PDE10A: variants seen among roughly 807,000 people sequenced by gnomAD.
The protein encoded by PDE10A is cAMP and cAMP-inhibited cGMP 3',5'-cyclic phosphodiesterase 10A.
Under a neutral mutation model 97.7 loss-of-function variants are expected in PDE10A, and 39 were observed. The observed-to-expected ratio is 0.40, with a 90% CI of 0.31 to 0.52. PDE10A has a LOEUF of 0.52. Ranked by LOEUF, PDE10A falls within the 20% of genes least tolerant of loss-of-function variation. PDE10A has a pLI of 0.56. For synonymous variants in PDE10A, 371 were observed against 376.8 expected, an observed-to-expected ratio of 0.98 and a Z score of 0.18; for missense variants, 731 against 1,047.8, an observed-to-expected ratio of 0.70 and a Z score of 4.17.
chr6:165,925,437 C>T (rs1458895313), intron 1 of PDE10A, among the ~76,000 whole-genome samples: 1 of 152,184 alleles, frequency 6.6e-6, no homozygotes. Context: ...AACCTGTACA[C>T]AAATGTTCAT....
chr6:165,894,515 G>A (rs1336840475), intron 1 of PDE10A: 1 of 455,928 alleles, frequency 2.2e-6, no homozygotes, highest in Non-Finnish European at 4.4e-6. Flanking sequence ...CAAAAGATGT[G>A]GGAGGGAGTT....
chr6:165,558,413 T>C lies in PDE10A; in HGVS notation c.866-14845A>G, dbSNP rs538327980. Among the ~76,000 whole-genome samples the C allele has an allele frequency of 4.6e-5, 7 of 151,954 alleles. No homozygotes were observed. In the South Asian group the frequency reaches 6.2e-4, roughly 14 times the overall value. On this transcript the variant is annotated intron_variant, in intron 1 of 21. Transcript: ENST00000539869. ...GGTGGGAACTGAACAATGAGAATAC[T>C]TGGACACAGGAAGGGGAACATCACA... is the stretch of plus-strand genomic sequence containing the variant.
At chr6:165,752,149 A>C (rs1793019732) in intron 1 of PDE10A, among the ~76,000 whole-genome samples, 1 of 147,190 alleles carries the variant, frequency 6.8e-6, no homozygotes, top group Admixed American at 6.7e-5. Context: ...AAAAAAAAAA[A>C]AAAAAGTGGG....
intron 8 of PDE10A, 93 bp downstream of exon 8, chr6:165,431,329 G>T: frequency 1.5e-6 from 1 of 665,872 alleles, no homozygotes; most frequent in Non-Finnish European, 2.5e-6. Flanking sequence ...ATAAGGCATT[G>T]GGTGACTTAA....
chr6:165,841,671 T>G (rs2128473284), intron 1 of PDE10A, among the ~76,000 whole-genome samples: 1 of 152,340 alleles, frequency 6.6e-6, no homozygotes, highest in East Asian at 1.9e-4. Flanking sequence ...ATCCTGGCTC[T>G]GGGGTGGAGG....
At chr6:165,604,674 G>C (rs913771467) in intron 1 of PDE10A, among the ~76,000 whole-genome samples, 4 of 152,194 alleles carry the variant, frequency 2.6e-5, no homozygotes, top group African/African-American at 9.6e-5. Context: ...TTTACACTAA[G>C]GCGTAAAGCA....
At chr6:165,460,173 G>A (rs1159357234) in intron 3 of PDE10A, among the ~76,000 whole-genome samples, 5 of 152,162 alleles carry the variant, frequency 3.3e-5, no homozygotes, top group African/African-American at 1.2e-4. Context: ...CTTCTGCCTG[G>A]GGAACCCCCA....
intron 3 of PDE10A, among the ~76,000 whole-genome samples, chr6:165,460,848 C>G (rs1214347340): frequency 1.3e-5 from 2 of 152,028 alleles, no homozygotes; most frequent in African/African-American, 2.4e-5. Context: ...AGGTATGTCC[C>G]TGGTATGGGA....
At chr6:165,422,210 T>C (rs1379995693) in intron 10 of PDE10A, among the ~76,000 whole-genome samples, 2 of 152,074 alleles carry the variant, frequency 1.3e-5, no homozygotes, top group African/African-American at 4.8e-5. Flanking sequence ...TTGGTAATAT[T>C]TATAAAGTCC....
chr6:165,621,870 G>A (rs755190642), intron 1 of PDE10A, among the ~76,000 whole-genome samples: 1 of 152,194 alleles, frequency 6.6e-6, no homozygotes, highest in African/African-American at 2.4e-5. Flanking sequence ...CCTTCTCACT[G>A]TGATGGTTAA....
intron 2 of PDE10A, among the ~76,000 whole-genome samples, chr6:165,493,093 C>CA (rs956975800): frequency 1.5e-4 from 23 of 151,736 alleles, no homozygotes; most frequent in African/African-American, 2.4e-5. Context: ...ATAATAGCTG[C>CA]AAAAAAATAA....
At chr6:165,639,478 C>T (rs2128419005) in intron 1 of PDE10A, among the ~76,000 whole-genome samples, 1 of 152,190 alleles carries the variant, frequency 6.6e-6, no homozygotes, top group African/African-American at 2.4e-5. Context: ...TGGCTCACAC[C>T]TGTAATCCCA....
chr6:165,408,845 C>T (rs974278304), intron 13 of PDE10A, among the ~76,000 whole-genome samples: 37 of 152,082 alleles, frequency 2.4e-4, no homozygotes, highest in African/African-American at 8.7e-4. Flanking sequence ...TTTTTATGAG[C>T]TTTAGTAAGG....
rs76143444 is a variant in PDE10A at position 165,408,095 on chromosome 6, G to A, written c.2076+5406C>T. 8.5e-5 allele frequency among the ~76,000 whole-genome samples: 13 copies of A among 152,224 alleles called. No homozygotes were observed. The East Asian group carries it at 2.5e-3, about 29-fold the overall frequency. ...ATATGCCATTACATTATCATGTTCA[G>A]TATTAGAAACAAGAATTTTCATGTA... On this transcript the variant is annotated intron_variant, in intron 13 of 21. Coordinates refer to ENST00000539869, the MANE Select transcript of PDE10A (RefSeq NM_001385079.1).
chr6:165,830,177 A>G (rs562377134), intron 1 of PDE10A, among the ~76,000 whole-genome samples: 1 of 152,336 alleles, frequency 6.6e-6, no homozygotes, highest in African/African-American at 2.4e-5. Context: ...AGCTACAATG[A>G]AAATAGAAGA....
intron 2 of PDE10A, among the ~76,000 whole-genome samples, chr6:165,519,143 G>C (rs1417612360): frequency 6.6e-6 from 1 of 152,092 alleles, no homozygotes; most frequent in Non-Finnish European, 1.5e-5. Context: ...GAATAAGCTA[G>C]AATAGGGAAC....
intron 1 of PDE10A, among the ~76,000 whole-genome samples, chr6:165,950,143 T>C (rs1164811892): frequency 6.6e-6 from 1 of 152,188 alleles, no homozygotes; most frequent in Admixed American, 6.5e-5. Context: ...GGCTTGAAAA[T>C]ATGACCTATT....
intron 1 of PDE10A, among the ~76,000 whole-genome samples, chr6:165,917,355 G>A (rs1377153582): frequency 1.3e-5 from 2 of 152,120 alleles, no homozygotes; most frequent in Non-Finnish European, 1.5e-5. Flanking sequence ...ACTCAACCCC[G>A]GTCTAGAAGG....
intron 1 of PDE10A, among the ~76,000 whole-genome samples, chr6:165,628,723 A>C (rs896136288): frequency 6.6e-6 from 1 of 152,166 alleles, no homozygotes; most frequent in Non-Finnish European, 1.5e-5. Context: ...ATAATTCTTA[A>C]ACAAAATTTT....
Sources: gnomAD v4.1 joint callset for allele counts (sites outside exome capture counted in the v4.1 genomes callset) on GRCh38, gnomAD v4.1.1 for gene constraint, MANE v1.5 for transcripts, NCBI Gene and HGNC (gene_info 2026-07-23, HGNC 2026-07-21) for gene names.